The following SPIRE1 variants were observed in gnomAD, a reference collection of about 807,000 sequenced individuals.
SPIRE1 encodes spire type actin nucleation factor 1.
Under a neutral mutation model 94.1 loss-of-function variants are expected in SPIRE1, and 40 were observed. That is an observed-to-expected ratio of 0.43 (90% CI 0.33 to 0.55). The LOEUF (loss-of-function observed/expected upper bound fraction) is 0.55, where lower values mean the gene tolerates loss of function less well. Ranked by LOEUF, SPIRE1 falls within the 20% of genes least tolerant of loss-of-function variation. The pLI, the probability that SPIRE1 is intolerant of heterozygous loss-of-function variation, is 0.06. For synonymous variants in SPIRE1, 376 were observed against 371.7 expected (o/e 1.01, Z -0.13); for missense variants, 838 against 975.2 (o/e 0.86, Z 1.87).
chr18:12,554,017 C>A (rs1341995338), intron 2 of SPIRE1, among the ~76,000 whole-genome samples: 1 of 151,996 alleles, frequency 6.6e-6, no homozygotes, highest in African/African-American at 2.4e-5. Flanking sequence ...AGAACTGATA[C>A]CAGCTGGGTG....
At chr18:12,476,881 CACT>C (rs2032625426) in intron 10 of SPIRE1, among the ~76,000 whole-genome samples, 2 of 152,022 alleles carry the variant, frequency 1.3e-5, no homozygotes, top group South Asian at 4.1e-4. Context: ...TTTCTACCAC[CACT>C]GACTTAAGAA....
chr18:12,652,033 A>G (rs2144896789), intron 1 of SPIRE1, among the ~76,000 whole-genome samples: 1 of 152,368 alleles, frequency 6.6e-6, no homozygotes, highest in Non-Finnish European at 1.5e-5. Flanking sequence ...AAATTTTGAA[A>G]CCAAAAGTTA....
chr18:12,528,487 G>A (rs1203500763), intron 4 of SPIRE1, among the ~76,000 whole-genome samples: 1 of 152,184 alleles, frequency 6.6e-6, no homozygotes, highest in African/African-American at 2.4e-5. Flanking sequence ...AGGGGAAAGG[G>A]ACATTTCAGG....
intron 2 of SPIRE1, among the ~76,000 whole-genome samples, chr18:12,558,361 C>A (rs542868991): frequency 4.3e-4 from 65 of 152,288 alleles, no homozygotes; most frequent in African/African-American, 1.3e-3. Context: ...AAGCTGCAGA[C>A]TTTCGTGGTG....
In SPIRE1 at chr18:12,527,024, A is replaced by G. The variant is rs968762128; in HGVS notation, c.729+8452T>C. ...CGCCTGGCCACGGAAGACATTTTAA[A>G]TAACTTGCATGAATAAAATGATTCT... On this transcript the variant is annotated intron_variant, in intron 4 of 16. Coordinates refer to ENST00000409402, the MANE Select transcript of SPIRE1 (RefSeq NM_001128626.2). Among the ~76,000 whole-genome samples the G allele has an allele frequency of 2.0e-4, 30 of 152,240 alleles. 1 individual carries two copies. Among genetic ancestry groups the G allele is most frequent in the Admixed American group, 1.9e-3 (29 of 15,272 alleles).
intron 1 of SPIRE1, among the ~76,000 whole-genome samples, chr18:12,655,376 CTG>C (rs1402830843): frequency 6.6e-6 from 1 of 152,192 alleles, no homozygotes; most frequent in Non-Finnish European, 1.5e-5. Flanking sequence ...CTTCAGAAGA[CTG>C]TATCTTCCTG....
At chr18:12,624,313 C>T (rs190748592) in intron 2 of SPIRE1, among the ~76,000 whole-genome samples, 3,253 of 151,382 alleles carry the variant, frequency 0.021, 119 homozygotes, top group African/African-American at 0.071. Context: ...GAGGCTGAGG[C>T]GGGTGGATCA....
chr18:12,649,609 T>A (rs1598584391), intron 1 of SPIRE1, among the ~76,000 whole-genome samples: 1 of 152,198 alleles, frequency 6.6e-6, no homozygotes, highest in African/African-American at 2.4e-5. Context: ...ATAGGACCAA[T>A]GATACAGGAG....
At chr18:12,471,224 T>C (rs755332332) in intron 10 of SPIRE1, among the ~76,000 whole-genome samples, 6 of 150,850 alleles carry the variant, frequency 4.0e-5, no homozygotes, top group Non-Finnish European at 7.4e-5. Flanking sequence ...AAGGTCTGGG[T>C]GTGGGGGTCT....
chr18:12,479,946 G>T, intron 9 of SPIRE1, 75 bp from the exon 10 acceptor site: 1 of 1,409,276 alleles, frequency 7.1e-7, no homozygotes, highest in Non-Finnish European at 9.6e-7. Context: ...CCAGGTAACA[G>T]AGCATTTCAT....
At chr18:12,476,727 A>G (rs953448370) in intron 10 of SPIRE1, among the ~76,000 whole-genome samples, 2 of 151,346 alleles carry the variant, frequency 1.3e-5, no homozygotes, top group East Asian at 3.9e-4. Flanking sequence ...TTTAAAAAGG[A>G]ACATAAGGCA....
Position 12,641,498 on chromosome 18 carries a change from A to G in SPIRE1, c.338-6402T>C, listed in dbSNP as rs2038084812. ...ATTCTCCTGCCTCAGCCTCCCAAGT[A>G]GCTGGGACTACAGGCACACACTACC... On this transcript the variant is annotated intron_variant, in intron 1 of 16. Coordinates refer to ENST00000409402, the MANE Select transcript of SPIRE1 (RefSeq NM_001128626.2). Among the ~76,000 whole-genome samples, 5 of 151,892 alleles carry G rather than the reference A, an allele frequency of 3.3e-5. No individual in the cohort carries two copies. The South Asian group carries it at 1.0e-3, about 32-fold the overall frequency.
chr18:12,510,463 G>A (rs2034000973), intron 5 of SPIRE1, among the ~76,000 whole-genome samples: 1 of 151,826 alleles, frequency 6.6e-6, no homozygotes, highest in Admixed American at 6.6e-5. Context: ...ATATGATAAT[G>A]GCATGATTTA....
intron 4 of SPIRE1, among the ~76,000 whole-genome samples, chr18:12,534,278 T>C (rs190042708): frequency 1.8e-4 from 28 of 152,342 alleles, no homozygotes; most frequent in African/African-American, 6.5e-4. Flanking sequence ...TTTCCTTTTT[T>C]GCTTACATAT....
At chr18:12,660,112 C>T (rs889151565), upstream of SPIRE1, among the ~76,000 whole-genome samples, 7 of 152,114 alleles carry the variant, frequency 4.6e-5, no homozygotes, top group Admixed American at 3.3e-4. Context: ...TTATCTTTGC[C>T]TTACCCACCA....
intron 2 of SPIRE1, among the ~76,000 whole-genome samples, chr18:12,565,401 G>T (rs186180218): frequency 1.3e-5 from 2 of 152,160 alleles, no homozygotes; most frequent in African/African-American, 4.8e-5. Context: ...TTGGGAAGGA[G>T]CCTCGCTCTG....
At chr18:12,525,073 G>A (rs1482714666) in intron 4 of SPIRE1, among the ~76,000 whole-genome samples, 7 of 151,574 alleles carry the variant, frequency 4.6e-5, no homozygotes, top group South Asian at 2.1e-4. Context: ...TCAGGAGATC[G>A]AAACCATCCT....
chr18:12,519,235 A>C (rs2034289325), intron 4 of SPIRE1, among the ~76,000 whole-genome samples: 1 of 152,218 alleles, frequency 6.6e-6, no homozygotes, highest in Non-Finnish European at 1.5e-5. Context: ...AATTAGAAAA[A>C]CTATAGATGA....
Position 12,463,476 on chromosome 18 carries a change from G to A in SPIRE1, c.1513C>T (p.Pro505Ser). ...STRKKPPKFL[P>S]ISSTPQPERR... ...TCTGGCTGGGGTGTTGATGATATGG[G>A]CAGGAATTTTGGAGGCTCTAAAGAT... The change falls in exon 12 of 17, where the codon CCC (proline) becomes TCC (serine). Residue 505 changes from proline to serine, a missense_variant. Transcript: ENST00000409402. 1 of 1,613,112 alleles carries A rather than the reference G, an allele frequency of 6.2e-7. No individual in the cohort carries two copies.
Sources: gnomAD v4.1 joint callset for allele counts (sites outside exome capture counted in the v4.1 genomes callset) on GRCh38, gnomAD v4.1.1 for gene constraint, MANE v1.5 for transcripts, NCBI Gene and HGNC (gene_info 2026-07-23, HGNC 2026-07-21) for gene names.